RBPJ: variants seen among roughly 807,000 people sequenced by gnomAD.
RBPJ encodes the protein recombination signal binding protein for immunoglobulin kappa J region.
A neutral mutation model predicts 67.8 loss-of-function variants in RBPJ; 9 were observed. The observed-to-expected ratio is 0.13, with a 90% CI of 0.08 to 0.23. The LOEUF (loss-of-function observed/expected upper bound fraction) is 0.23. Among genes scored for constraint, RBPJ ranks in the 10% least tolerant of loss-of-function variants. RBPJ has a pLI of 1.00. For missense variants in RBPJ, 305 were observed against 595.6 expected, an observed-to-expected ratio of 0.51 and a Z score of 5.08; for synonymous variants, 198 against 203.3, an observed-to-expected ratio of 0.97 and a Z score of 0.22.
rs1025631996 is a variant in RBPJ at position 26,242,705 on chromosome 4, T to TAA, written c.-167+79112_-167+79113dup. ...TTTCACCAACAGACCCACTCATAGTTAAAAAAAAAAAAAAAAAAAAAAGTC... is the reference window on the plus strand; with the variant it reads ...TTTCACCAACAGACCCACTCATAGTTAAAAAAAAAAAAAAAAAAAAAAAAGTC... On this transcript the variant is annotated intron_variant, in intron 1 of 4. Coordinates refer to the RBPJ transcript ENST00000512351. Among the ~76,000 whole-genome samples, 662 of 100,370 alleles carry TAA rather than the reference T, an allele frequency of 6.6e-3. 10 individuals carry two copies. Among genetic ancestry groups the TAA allele is most frequent in the African/African-American group, 0.023 (624 of 27,042 alleles). 65.8% of individuals were successfully genotyped at this position (100,370 alleles called of 152,430 possible). A position where few individuals can be genotyped will look rare whatever the true frequency, so the allele number is the denominator to read the frequency against.
At chr4:26,244,018 C>A (rs943670189) in intron 1 of RBPJ, among the ~76,000 whole-genome samples, 15 of 151,488 alleles carry the variant, frequency 9.9e-5, no homozygotes, top group African/African-American at 3.2e-4. Context: ...TCACTTGAGC[C>A]CAGGAGGAGG....
chr4:26,146,648 T>A, the RBPJ span, among the ~76,000 whole-genome samples: 2 of 152,198 alleles, frequency 1.3e-5, no homozygotes, highest in Non-Finnish European at 2.9e-5. Flanking sequence ...CCTGCTCTCA[T>A]GGGGTTTATC....
At chr4:26,331,340 G>A (rs1348135445) in intron 1 of RBPJ, among the ~76,000 whole-genome samples, 2 of 151,960 alleles carry the variant, frequency 1.3e-5, no homozygotes, top group Non-Finnish European at 2.9e-5. Flanking sequence ...GCCGGCCTCA[G>A]CCTTCCAAAG....
intron 1 of RBPJ, among the ~76,000 whole-genome samples, chr4:26,244,273 ATATG>A (rs1413132245): frequency 8.3e-5 from 1 of 12,112 alleles, no homozygotes; most frequent in Non-Finnish European, 1.7e-4. Flanking sequence ...GTGTACACAT[ATATG>A]TGTGTATATG....
intron 1 of RBPJ, among the ~76,000 whole-genome samples, chr4:26,340,760 G>A (rs1334791736): frequency 1.3e-5 from 2 of 151,762 alleles, no homozygotes; most frequent in African/African-American, 4.9e-5. Context: ...TTGGGAGGCT[G>A]AGGCAGGAGA....
chr4:26,122,469 G>A, the RBPJ span, among the ~76,000 whole-genome samples: 2 of 152,198 alleles, frequency 1.3e-5, no homozygotes, highest in Non-Finnish European at 2.9e-5. Flanking sequence ...GGTTCAAATA[G>A]GGCAGACTCT....
chr4:26,150,786 GT>G, the RBPJ span, among the ~76,000 whole-genome samples: 2 of 152,110 alleles, frequency 1.3e-5, no homozygotes, highest in African/African-American at 4.8e-5. Context: ...TGAGGGAAAT[GT>G]TTGTAGGAAG....
At chr4:26,194,227 T>A (rs1049297301) in intron 1 of RBPJ, among the ~76,000 whole-genome samples, 2 of 152,150 alleles carry the variant, frequency 1.3e-5, no homozygotes, top group Non-Finnish European at 2.9e-5. Flanking sequence ...GGCTCTTGGG[T>A]CTTGACCTTT....
intron 1 of RBPJ, among the ~76,000 whole-genome samples, chr4:26,345,426 T>C (rs1191070968): frequency 6.6e-6 from 1 of 152,228 alleles, no homozygotes; most frequent in Non-Finnish European, 1.5e-5. Flanking sequence ...CAGATGGCTT[T>C]CCTCGTATTG....
the RBPJ span, among the ~76,000 whole-genome samples, chr4:26,111,567 C>G: frequency 6.6e-6 from 1 of 152,286 alleles, no homozygotes; most frequent in Non-Finnish European, 1.5e-5. Flanking sequence ...CTACGATATG[C>G]ATGTGCATCC....
chr4:26,430,652 T>G lies in RBPJ; in HGVS notation c.1149-40T>G. ...GTCTCATTTTTAACATGTACTTTGC[T>G]TTTTAAAGTGTTTTTAAGTGATTTC... On this transcript the variant is annotated intron_variant, in intron 10 of 10. Coordinates refer to ENST00000355476, the MANE Select transcript of RBPJ (RefSeq NM_015874.6). The surrounding 1 kb of genome is among the most constrained non-coding windows in gnomAD (Gnocchi z 4.1). 6.3e-7 allele frequency: 1 copy of G among 1,599,882 alleles called. No individual in the cohort carries two copies. Among genetic ancestry groups the G allele is most frequent in the Non-Finnish European group, 8.5e-7 (1 of 1,170,502 alleles).
At chr4:26,187,020 A>G (rs1717289992) in intron 1 of RBPJ, among the ~76,000 whole-genome samples, 1 of 152,158 alleles carries the variant, frequency 6.6e-6, no homozygotes, top group Non-Finnish European at 1.5e-5. Flanking sequence ...CAGGAGTTCA[A>G]AACCAGCCTG....
At chr4:26,149,196 G>T in the RBPJ span, among the ~76,000 whole-genome samples, 1 of 152,224 alleles carries the variant, frequency 6.6e-6, no homozygotes, top group East Asian at 1.9e-4. Context: ...TGAGGGCTGA[G>T]AAGAAACCTG....
chr4:26,154,186 A>G, the RBPJ span, among the ~76,000 whole-genome samples: 2 of 152,216 alleles, frequency 1.3e-5, no homozygotes, highest in Non-Finnish European at 2.9e-5. Flanking sequence ...CACGGGGAAC[A>G]GAAAGAACAA....
chr4:26,181,739 A>G (rs1288743242), intron 1 of RBPJ, among the ~76,000 whole-genome samples: 1 of 152,218 alleles, frequency 6.6e-6, no homozygotes, highest in Non-Finnish European at 1.5e-5. Context: ...CACAATGGGA[A>G]GCATTTGTGT....
rs1345870270 is a variant in RBPJ, at chr4:26,386,402, T to C, written c.59+11T>C. On this transcript the variant is annotated intron_variant, in intron 2 of 10. Coordinates refer to ENST00000355476, the MANE Select transcript of RBPJ (RefSeq NM_015874.6). Reference sequence around the variant, plus strand: ...TAAACGACTTACTAGGTGAGTATTATATTAGTCAGCTTTTTACACATACAT... The same window carrying C: ...TAAACGACTTACTAGGTGAGTATTACATTAGTCAGCTTTTTACACATACAT... The C allele has an allele frequency of 1.3e-6, 2 of 1,571,776 alleles. No individual in the cohort carries two copies. Among genetic ancestry groups the C allele is most frequent in the African/African-American group, 1.4e-5 (1 of 73,236 alleles).
At chr4:26,262,317 C>T (rs910957146) in intron 1 of RBPJ, among the ~76,000 whole-genome samples, 1 of 152,184 alleles carries the variant, frequency 6.6e-6, no homozygotes, top group African/African-American at 2.4e-5. Context: ...TCAAGCAATC[C>T]TCCCACCTCA....
intron 1 of RBPJ, among the ~76,000 whole-genome samples, chr4:26,182,167 C>G (rs1717024081): frequency 6.6e-6 from 1 of 152,060 alleles, no homozygotes; most frequent in Admixed American, 6.6e-5. Flanking sequence ...ACGGTGAAAC[C>G]CCGTCTCTAC....
chr4:26,109,393 A>T, the RBPJ span, among the ~76,000 whole-genome samples: 2 of 132,718 alleles, frequency 1.5e-5, no homozygotes, highest in Admixed American at 1.6e-4. Flanking sequence ...GGCATGAGCC[A>T]CTGTGCCTGT....
Sources: gnomAD v4.1 joint callset for allele counts (sites outside exome capture counted in the v4.1 genomes callset) on GRCh38, gnomAD v4.1.1 for gene constraint, Gnocchi (gnomAD v3.1) non-coding constraint, MANE v1.5 for transcripts, NCBI Gene and HGNC (gene_info 2026-07-23, HGNC 2026-07-21) for gene names.